The following AUTS2 variants were observed in gnomAD, a reference collection of about 807,000 sequenced individuals.
AUTS2 encodes autism susceptibility gene 2 protein.
AUTS2 carries 17 observed loss-of-function variants against 112.4 expected under a neutral mutation model. The ratio of observed to expected loss-of-function variants is 0.15; its 90% confidence interval spans 0.10 to 0.23. AUTS2 has a LOEUF of 0.23. Among genes scored for constraint, AUTS2 ranks in the 10% least tolerant of loss-of-function variants. The probability of loss-of-function intolerance (pLI) is 1.00; values close to 1 mark genes in which losing one functional copy is unlikely to be tolerated. For synonymous variants in AUTS2, 751 were observed against 702.7 expected, an observed-to-expected ratio of 1.07 and a Z score of -1.09; for missense variants, 1,510 against 1,701.6, an observed-to-expected ratio of 0.89 and a Z score of 1.98.
intron 5 of AUTS2, among the ~76,000 whole-genome samples, chr7:70,554,557 A>G (rs1470309065): frequency 1.3e-5 from 2 of 151,866 alleles, no homozygotes; most frequent in African/African-American, 4.8e-5. Context: ...GGGAAAACAC[A>G]TAAACATCAA....
intron 4 of AUTS2, among the ~76,000 whole-genome samples, chr7:70,386,739 A>C (rs146237328): frequency 2.5e-4 from 38 of 152,172 alleles, no homozygotes; most frequent in African/African-American, 9.2e-4. Flanking sequence ...TTTTACCTAC[A>C]TTACCCTTCT....
intron 5 of AUTS2, among the ~76,000 whole-genome samples, chr7:70,639,563 G>A (rs1299095549): frequency 7.3e-6 from 1 of 136,936 alleles, no homozygotes; most frequent in East Asian, 2.2e-4. Context: ...GCTGCAGTGA[G>A]CTATGATTAC....
intron 4 of AUTS2, among the ~76,000 whole-genome samples, chr7:70,138,244 T>G (rs189447572): frequency 1.3e-5 from 2 of 152,214 alleles, no homozygotes; most frequent in Non-Finnish European, 2.9e-5. Flanking sequence ...AAAGAAAAAT[T>G]GATGCCCTAG....
intron 5 of AUTS2, 85 bp downstream of exon 5, chr7:70,435,866 T>C: frequency 7.0e-7 from 1 of 1,425,742 alleles, no homozygotes; most frequent in African/African-American, 1.4e-5. Context: ...CAGGGTAGGA[T>C]GCCAGCTTCA....
Position 70,354,315 on chromosome 7 carries a change from A to T in AUTS2, c.661-81437A>T, listed in dbSNP as rs147150994. Among the ~76,000 whole-genome samples, 36 of 152,358 alleles carry T rather than the reference A, an allele frequency of 2.4e-4. No individual in the cohort carries two copies. In the East Asian group the frequency reaches 6.8e-3, roughly 29 times the overall value. ...GTACAGAGAGTAATGAGGAACTTCA[A>T]ATAGAATATTTCCTAATAGCTTTCG... On this transcript the variant is annotated intron_variant, in intron 4 of 18. Transcript: ENST00000342771.
intron 2 of AUTS2, among the ~76,000 whole-genome samples, chr7:69,917,509 G>A (rs1049841040): frequency 6.8e-6 from 1 of 146,362 alleles, no homozygotes; most frequent in Non-Finnish European, 1.5e-5. Context: ...ATCCCCTATA[G>A]CTTTAAGGGG....
chr7:70,670,947 G>A (rs71549373), intron 5 of AUTS2, among the ~76,000 whole-genome samples: 13,810 of 152,168 alleles, frequency 0.091, 862 homozygotes, highest in East Asian at 0.24. Flanking sequence ...CGAGGCGGGC[G>A]GATCACTTGA....
intron 4 of AUTS2, among the ~76,000 whole-genome samples, chr7:70,171,909 G>GT (rs1174006432): frequency 1.3e-5 from 2 of 151,356 alleles, no homozygotes; most frequent in South Asian, 4.2e-4. Flanking sequence ...TTTTTTTGGG[G>GT]GGGGGTAGTT....
intron 1 of AUTS2, among the ~76,000 whole-genome samples, chr7:69,690,712 A>G (rs2129178367): frequency 6.6e-6 from 1 of 152,298 alleles, no homozygotes; most frequent in Non-Finnish European, 1.5e-5. Flanking sequence ...TGGCTTGTAG[A>G]GCCACTAGGT....
In AUTS2 at chr7:69,840,660, A is replaced by C. The variant is rs926895012; in HGVS notation, c.310-58626A>C. ...AATAAAAATTCTTGAACTCATAGTG[A>C]TGAGAGATGGGGTGGGAGGAGAGAA... On this transcript the variant is annotated intron_variant, in intron 1 of 18. Transcript: ENST00000342771. Among the ~76,000 whole-genome samples the C allele has an allele frequency of 2.0e-5, 3 of 152,200 alleles. No individual in the cohort carries two copies. In the South Asian group the frequency reaches 6.2e-4, roughly 32 times the overall value.
At chr7:70,724,488 C>T (rs1786900909) in intron 6 of AUTS2, among the ~76,000 whole-genome samples, 1 of 141,402 alleles carries the variant, frequency 7.1e-6, no homozygotes, top group African/African-American at 2.6e-5. Flanking sequence ...CTTTGTCGCC[C>T]AGGCTGGAGT....
At position 69,668,324 on chromosome 7, in the gene AUTS2, G is replaced by A. The variant is rs140467124; in HGVS notation, c.309+68362G>A. ...AAGAAAGTTATGATTATAATGTAGC[G>A]TTAGTAATTCCCAGTGGTCATTCCC... On this transcript the variant is annotated intron_variant, in intron 1 of 18. Coordinates refer to ENST00000342771, the MANE Select transcript of AUTS2 (RefSeq NM_015570.4). Among the ~76,000 whole-genome samples, 35 of 152,286 alleles carry A rather than the reference G, an allele frequency of 2.3e-4. No individual in the cohort carries two copies. In the East Asian group the frequency reaches 4.3e-3, roughly 18 times the overall value.
chr7:70,676,927 C>T (rs1807944044), intron 5 of AUTS2, among the ~76,000 whole-genome samples: 1 of 152,136 alleles, frequency 6.6e-6, no homozygotes. Flanking sequence ...CTCTGTTACA[C>T]TCTTCAAAAA....
intron 1 of AUTS2, among the ~76,000 whole-genome samples, chr7:69,875,203 A>G (rs568320521): frequency 6.6e-6 from 1 of 152,248 alleles, no homozygotes; most frequent in Admixed American, 6.5e-5. Context: ...ATATCAAATA[A>G]GTATGTATTT....
chr7:70,490,011 G>A (rs777563772), intron 5 of AUTS2, among the ~76,000 whole-genome samples: 3 of 152,154 alleles, frequency 2.0e-5, no homozygotes, highest in Non-Finnish European at 4.4e-5. Flanking sequence ...TGCAGCCAAA[G>A]CAATTCCTCA....
chr7:70,513,666 C>CTTTTTTTTTTTTTTTTTTTT (rs35815016), intron 5 of AUTS2, among the ~76,000 whole-genome samples: 1 of 140,428 alleles, frequency 7.1e-6, no homozygotes, highest in Non-Finnish European at 1.6e-5. Flanking sequence ...TTTCTGTTTC[C>CTTTTTTTTTTTTTTTTTTTT]TTTTTTTTTT....
chr7:69,969,425 C>G (rs114574122), intron 2 of AUTS2, among the ~76,000 whole-genome samples: 5,200 of 152,120 alleles, frequency 0.034, 129 homozygotes, highest in Middle Eastern at 0.085. Context: ...GAAGGATATT[C>G]GTCTTGATTT....
intron 1 of AUTS2, among the ~76,000 whole-genome samples, chr7:69,767,041 G>A (rs1788455258): frequency 6.6e-6 from 1 of 152,266 alleles, no homozygotes; most frequent in African/African-American, 2.4e-5. Flanking sequence ...CATGGAATGA[G>A]CTGCCCATAG....
At chr7:70,458,717 A>C (rs1359610990) in intron 5 of AUTS2, among the ~76,000 whole-genome samples, 1 of 151,868 alleles carries the variant, frequency 6.6e-6, no homozygotes, top group African/African-American at 2.4e-5. Context: ...CTCCTCGGGG[A>C]CCATACTTTA....
Sources: gnomAD v4.1 joint callset for allele counts (sites outside exome capture counted in the v4.1 genomes callset) on GRCh38, gnomAD v4.1.1 for gene constraint, MANE v1.5 for transcripts, NCBI Gene and HGNC (gene_info 2026-07-23, HGNC 2026-07-21) for gene names.